RARB: variants seen among roughly 807,000 people sequenced by gnomAD.
The protein encoded by RARB is HBV-activated protein.
A neutral mutation model predicts 51.9 loss-of-function variants in RARB; 17 were observed. The observed-to-expected ratio is 0.33, with a 90% CI of 0.22 to 0.49. The LOEUF (loss-of-function observed/expected upper bound fraction) is 0.49, where lower values mean the gene tolerates loss of function less well. Ranked by LOEUF, RARB falls within the 20% of genes least tolerant of loss-of-function variation. The pLI, the probability that RARB is intolerant of heterozygous loss-of-function variation, is 0.99. For synonymous variants in RARB, 215 were observed against 195.4 expected, an observed-to-expected ratio of 1.10 and a Z score of -0.84; for missense variants, 369 against 550.8, an observed-to-expected ratio of 0.67 and a Z score of 3.30.
At chr3:25,182,415 C>A (rs1700880287) in intron 5 of RARB, among the ~76,000 whole-genome samples, 1 of 152,138 alleles carries the variant, frequency 6.6e-6, no homozygotes, top group Non-Finnish European at 1.5e-5. Flanking sequence ...AGGAAAGTTT[C>A]CTGTCTTGGA....
chr3:25,582,381 G>A (rs1010041261), intron 5 of RARB, among the ~76,000 whole-genome samples: 5 of 152,068 alleles, frequency 3.3e-5, no homozygotes, highest in Non-Finnish European at 7.4e-5. Flanking sequence ...TCCACAGCAA[G>A]CAATGCTGTG....
intron 2 of RARB, among the ~76,000 whole-genome samples, chr3:24,962,927 C>T (rs1039847695): frequency 6.6e-6 from 1 of 152,164 alleles, no homozygotes; most frequent in African/African-American, 2.4e-5. Flanking sequence ...AGATGAGGAA[C>T]TGACACAGAG....
At chr3:24,913,066 C>T (rs562214971) in intron 2 of RARB, among the ~76,000 whole-genome samples, 23 of 144,840 alleles carry the variant, frequency 1.6e-4, no homozygotes, top group East Asian at 4.1e-4. Context: ...CTGCAAGCTC[C>T]GCCTCCCAGG....
chr3:25,550,286 G>A (rs894949637), intron 3 of RARB, among the ~76,000 whole-genome samples: 4 of 152,178 alleles, frequency 2.6e-5, no homozygotes, highest in Admixed American at 6.5e-5. Context: ...TGTCTGCATC[G>A]GCCTGCCTTA....
chr3:24,993,781 T>C (rs1575109919), intron 2 of RARB, among the ~76,000 whole-genome samples: 2 of 152,172 alleles, frequency 1.3e-5, no homozygotes, highest in African/African-American at 4.8e-5. Context: ...TCCTGTTTTA[T>C]TTCACTTAAC....
At chr3:25,500,465 T>G (rs1172587050) in intron 2 of RARB, among the ~76,000 whole-genome samples, 1 of 113,640 alleles carries the variant, frequency 8.8e-6, no homozygotes, top group African/African-American at 3.5e-5. Context: ...TTTTTTTTTT[T>G]TTTTTTTTTT....
At chr3:25,038,687 C>T (rs1698053624) in intron 2 of RARB, among the ~76,000 whole-genome samples, 1 of 152,106 alleles carries the variant, frequency 6.6e-6, no homozygotes, top group Admixed American at 6.6e-5. Context: ...CCTTGGTTGG[C>T]ATTTAAGTGT....
rs147018128 is a variant in RARB at position 25,040,881 on chromosome 3, C to T, written c.-379-19244C>T. 7.1e-3 allele frequency among the ~76,000 whole-genome samples: 1,084 copies of T among 152,272 alleles called. 16 individuals carry two copies. The highest frequency in any genetic ancestry group is 0.025 in the African/African-American group (1,037 of 41,552). On this transcript the variant is annotated intron_variant, in intron 2 of 11. Transcript: ENST00000383772. Reference sequence around the variant, plus strand: ...GTGGATAGGCTGCCTGGTCTAAGGTCTGTCTCGAGTCCTATAAGCCTGAAT... The same window carrying T: ...GTGGATAGGCTGCCTGGTCTAAGGTTTGTCTCGAGTCCTATAAGCCTGAAT...
At chr3:24,866,719 G>T (rs972292346) in intron 2 of RARB, among the ~76,000 whole-genome samples, 3 of 152,112 alleles carry the variant, frequency 2.0e-5, no homozygotes, top group African/African-American at 7.2e-5. Context: ...ACTGCCCAAT[G>T]AGTTCTTCTT....
intron 2 of RARB, among the ~76,000 whole-genome samples, chr3:24,999,245 CGTA>C (rs1164391219): frequency 6.6e-6 from 1 of 152,122 alleles, no homozygotes; most frequent in East Asian, 1.9e-4. Context: ...TGTAAAAACA[CGTA>C]GTACACAGCT....
chr3:25,083,401 T>C (rs1699046378), intron 3 of RARB, among the ~76,000 whole-genome samples: 1 of 151,720 alleles, frequency 6.6e-6, no homozygotes, highest in Admixed American at 6.6e-5. Context: ...ACCTCTCTGA[T>C]CTCTTTTGGC....
At chr3:25,157,401 TTGTTG>T (rs1700395737) in intron 4 of RARB, among the ~76,000 whole-genome samples, 1 of 150,484 alleles carries the variant, frequency 6.6e-6, no homozygotes, top group African/African-American at 2.4e-5. Flanking sequence ...GTTTTTTTTG[TTGTTG>T]TTTTTGTTTT....
rs77728527 is a variant in RARB, at chr3:25,322,758, A to G, written c.179-138435A>G. On this transcript the variant is annotated intron_variant, in intron 5 of 11. Transcript: ENST00000383772. ...TAAGATAAACACTACTTTAAGAATC[A>G]GAAGCTGTGGCCCCGATCCTCTGAC... Among the ~76,000 whole-genome samples, 165 of 152,324 alleles carry G rather than the reference A, an allele frequency of 1.1e-3. 1 individual carries two copies. In the East Asian group the frequency reaches 0.029, roughly 26 times the overall value.
At chr3:24,961,564 A>T (rs945676836) in intron 2 of RARB, among the ~76,000 whole-genome samples, 1 of 145,710 alleles carries the variant, frequency 6.9e-6, no homozygotes, top group African/African-American at 2.5e-5. Flanking sequence ...AAGGAATCAT[A>T]TGAGACTTTC....
At chr3:25,355,191 G>A (rs146143856) in intron 5 of RARB, among the ~76,000 whole-genome samples, 39 of 152,226 alleles carry the variant, frequency 2.6e-4, no homozygotes, top group African/African-American at 8.2e-4. Flanking sequence ...TCTGAGTACC[G>A]AGGGTAACAG....
intron 5 of RARB, among the ~76,000 whole-genome samples, chr3:25,225,097 G>A (rs999661669): frequency 6.6e-6 from 1 of 151,814 alleles, no homozygotes; most frequent in Admixed American, 6.6e-5. Flanking sequence ...TAGTGCTTTC[G>A]GGGTGCCCTT....
chr3:25,438,674 C>T (rs1036151062), intron 1 of RARB, among the ~76,000 whole-genome samples: 7 of 152,156 alleles, frequency 4.6e-5, no homozygotes, highest in Non-Finnish European at 8.8e-5. Flanking sequence ...TCTCTAGGCT[C>T]CATGTGCTGT....
chr3:25,461,406 A>G, intron 2 of RARB, 65 bp downstream of exon 2: 2 of 1,538,994 alleles, frequency 1.3e-6, no homozygotes, highest in Non-Finnish European at 1.8e-6. Flanking sequence ...GAGGTGACCT[A>G]CCCAGTTCCA....
intron 5 of RARB, among the ~76,000 whole-genome samples, chr3:25,333,730 G>T (rs1162369176): frequency 6.6e-6 from 1 of 152,158 alleles, no homozygotes; most frequent in Non-Finnish European, 1.5e-5. Context: ...TACCATCAGA[G>T]TGAACAGGCA....
Sources: allele counts gnomAD v4.1 joint callset (sites outside exome capture counted in the v4.1 genomes callset), GRCh38; gene constraint gnomAD v4.1.1; transcripts MANE v1.5; gene names NCBI Gene and HGNC (gene_info 2026-07-23, HGNC 2026-07-21).